PRKG1: variants seen among roughly 807,000 people sequenced by gnomAD.
PRKG1 encodes the protein protein kinase cGMP-dependent 1.
In PRKG1, 35 loss-of-function variants were observed where a neutral mutation model predicts 88.1. The ratio of observed to expected loss-of-function variants is 0.40; its 90% CI spans 0.30 to 0.53. The LOEUF (loss-of-function observed/expected upper bound fraction) is 0.53. Ranked by LOEUF, PRKG1 falls within the 20% of genes least tolerant of loss-of-function variation. PRKG1 has a pLI of 0.59. For missense variants in PRKG1, 540 were observed against 839.8 expected (o/e 0.64, Z 4.41); for synonymous variants, 303 against 292.5 (o/e 1.04, Z -0.37).
At chr10:51,253,698 T>G (rs1839482628) in intron 2 of PRKG1, among the ~76,000 whole-genome samples, 1 of 151,890 alleles carries the variant, frequency 6.6e-6, no homozygotes, top group African/African-American at 2.4e-5. Context: ...GAACCATTGC[T>G]TCGACTTAGT....
intron 5 of PRKG1, among the ~76,000 whole-genome samples, chr10:52,014,185 A>T (rs1844973609): frequency 6.6e-6 from 1 of 152,144 alleles, no homozygotes; most frequent in Admixed American, 6.6e-5. Context: ...CTATAAAGAA[A>T]CTACCTGAGA....
chr10:51,501,448 T>C (rs1218068791), intron 3 of PRKG1, among the ~76,000 whole-genome samples: 2 of 152,144 alleles, frequency 1.3e-5, no homozygotes, highest in Non-Finnish European at 2.9e-5. Flanking sequence ...CTATGCAACC[T>C]GCTGGATGGA....
At chr10:51,632,763 A>C (rs190504563) in intron 3 of PRKG1, among the ~76,000 whole-genome samples, 1 of 152,300 alleles carries the variant, frequency 6.6e-6, no homozygotes, top group African/African-American at 2.4e-5. Flanking sequence ...AGGAACTCTG[A>C]TTGGGCTGTG....
chr10:51,548,291 T>C (rs1188256003), intron 3 of PRKG1, among the ~76,000 whole-genome samples: 1 of 152,152 alleles, frequency 6.6e-6, no homozygotes, highest in African/African-American at 2.4e-5. Context: ...ACTCCATGTC[T>C]TGATCTGAGC....
chr10:51,370,545 A>C (rs1457217616), intron 2 of PRKG1, among the ~76,000 whole-genome samples: 2 of 150,982 alleles, frequency 1.3e-5, no homozygotes, highest in Non-Finnish European at 3.0e-5. Flanking sequence ...AGGAAAGTTT[A>C]GTCCCAGCAG....
At chr10:51,566,610 T>C (rs916357557) in intron 3 of PRKG1, among the ~76,000 whole-genome samples, 8 of 151,700 alleles carry the variant, frequency 5.3e-5, no homozygotes, top group African/African-American at 1.7e-4. Context: ...ATAGTGAAGG[T>C]TTCTCCGAGA....
intron 2 of PRKG1, among the ~76,000 whole-genome samples, chr10:51,193,841 A>G (rs1470877524): frequency 1.3e-5 from 2 of 152,166 alleles, no homozygotes; most frequent in Non-Finnish European, 2.9e-5. Flanking sequence ...AAGCCAGCAA[A>G]TCTGCACATT....
At chr10:51,646,203 A>G (rs1449725226) in intron 3 of PRKG1, among the ~76,000 whole-genome samples, 2 of 152,214 alleles carry the variant, frequency 1.3e-5, no homozygotes, top group Admixed American at 1.3e-4. Context: ...CAAGTCTTCA[A>G]TCTTGACGCT....
rs79466381 is a variant in PRKG1, at chr10:51,938,407, C to T, written c.762+30837C>T. On this transcript the variant is annotated intron_variant, in intron 5 of 17. Coordinates refer to ENST00000373980, the MANE Select transcript of PRKG1 (RefSeq NM_006258.4). ...GCCACTGGGGATCTTGCAATGTATC[C>T]CCTATGGATAAGAGGGGGTCATTGT... 1.9e-3 allele frequency among the ~76,000 whole-genome samples: 286 copies of T among 151,878 alleles called. 8 individuals carry two copies. In the East Asian group the frequency reaches 0.053, roughly 28 times the overall value.
At chr10:52,073,201 C>T (rs1176911725) in intron 7 of PRKG1, among the ~76,000 whole-genome samples, 1 of 152,188 alleles carries the variant, frequency 6.6e-6, no homozygotes, top group Non-Finnish European at 1.5e-5. Context: ...TTTATGAGAA[C>T]ACCAGTCATT....
At chr10:51,930,828 A>G (rs548202868) in intron 5 of PRKG1, among the ~76,000 whole-genome samples, 80 of 152,322 alleles carry the variant, frequency 5.3e-4, no homozygotes, top group African/African-American at 1.8e-3. Flanking sequence ...AGGCAAACGT[A>G]GTAGTTTTCA....
chr10:51,907,347 T>C (rs1447581026), intron 4 of PRKG1, among the ~76,000 whole-genome samples, 160 bp from the exon 5 acceptor site: 1 of 151,306 alleles, frequency 6.6e-6, no homozygotes, highest in African/African-American at 2.4e-5. Context: ...GCAACTTTGT[T>C]CTTTTTTTTC....
rs777046642 is a variant in PRKG1 at position 51,833,786 on chromosome 10, A to G, written c.698+29096A>G. On this transcript the variant is annotated intron_variant, in intron 4 of 17. Coordinates refer to ENST00000373980, the MANE Select transcript of PRKG1 (RefSeq NM_006258.4). ...ATCACCTTGCTTTGCCACAGAAGCC[A>G]GAACTGATTCCTCCTATCTAACTGA... Among the ~76,000 whole-genome samples the G allele has an allele frequency of 3.2e-4, 49 of 152,204 alleles. 2 individuals carry two copies. The highest frequency in any genetic ancestry group is 1.3e-4 in the Admixed American group (2 of 15,268).
chr10:51,631,737 G>A (rs1263322646), intron 3 of PRKG1, among the ~76,000 whole-genome samples: 1 of 152,206 alleles, frequency 6.6e-6, no homozygotes, highest in Non-Finnish European at 1.5e-5. Flanking sequence ...GCGCTCCTGT[G>A]AGAACTAATG....
chr10:51,403,474 T>C lies in PRKG1; in HGVS notation c.479-64249T>C, dbSNP rs546615511. On this transcript the variant is annotated intron_variant, in intron 2 of 17. Coordinates refer to ENST00000373980, the MANE Select transcript of PRKG1 (RefSeq NM_006258.4). ...GTCCATATATAGGGCATTTATTGAG[T>C]ATTTACTCTGTGCAAGATACTGTTT... is the stretch of plus-strand genomic sequence containing the variant. 3.9e-5 allele frequency among the ~76,000 whole-genome samples: 6 copies of C among 152,140 alleles called. No individual in the cohort carries two copies. The East Asian group carries it at 1.2e-3, about 29-fold the overall frequency.
At chr10:51,803,245 A>G (rs1839221073) in intron 3 of PRKG1, among the ~76,000 whole-genome samples, 1 of 152,138 alleles carries the variant, frequency 6.6e-6, no homozygotes, top group Non-Finnish European at 1.5e-5. Flanking sequence ...TCATTTGTAA[A>G]AAAACATTTA....
At chr10:51,770,406 A>G (rs1838274081) in intron 3 of PRKG1, among the ~76,000 whole-genome samples, 1 of 152,158 alleles carries the variant, frequency 6.6e-6, no homozygotes, top group South Asian at 2.1e-4. Context: ...TAAAGTTATT[A>G]ATTGATCTAG....
chr10:52,206,046 G>T (rs1296856341), intron 9 of PRKG1, among the ~76,000 whole-genome samples: 2 of 152,036 alleles, frequency 1.3e-5, no homozygotes, highest in African/African-American at 4.8e-5. Context: ...CTCTTTCAGG[G>T]ATTCCAATGA....
intron 3 of PRKG1, among the ~76,000 whole-genome samples, chr10:51,769,411 A>T (rs1469447667): frequency 6.6e-6 from 1 of 152,198 alleles, no homozygotes; most frequent in Admixed American, 6.5e-5. Flanking sequence ...ATATAAAATT[A>T]TACTTTTTCT....
Sources: allele counts gnomAD v4.1 joint callset (sites outside exome capture counted in the v4.1 genomes callset), GRCh38; gene constraint gnomAD v4.1.1; transcripts MANE v1.5; gene names NCBI Gene and HGNC (gene_info 2026-07-23, HGNC 2026-07-21).